KLRG1: variants seen among roughly 807,000 people sequenced by gnomAD.
KLRG1 encodes the protein killer cell lectin-like receptor subfamily G member 1.
In KLRG1, 16 loss-of-function variants were observed where a neutral mutation model predicts 21.8. The observed-to-expected ratio is 0.73, with a 90% CI of 0.50 to 1.11. The LOEUF (loss-of-function observed/expected upper bound fraction) is 1.11. KLRG1 is among the 50% of genes most tolerant of loss of function. KLRG1 has a pLI of 0.00. For synonymous variants in KLRG1, 69 were observed against 75.9 expected, an observed-to-expected ratio of 0.91 and a Z score of 0.47; for missense variants, 173 against 218.3, an observed-to-expected ratio of 0.79 and a Z score of 1.31.
the KLRG1 span, among the ~76,000 whole-genome samples, chr12:9,195,238 A>T: frequency 6.6e-6 from 1 of 152,162 alleles, no homozygotes; most frequent in Non-Finnish European, 1.5e-5. Flanking sequence ...TTTTTAAAAA[A>T]TTTAAAATAA....
chr12:9,056,767 G>A, the KLRG1 span, among the ~76,000 whole-genome samples: 1 of 152,128 alleles, frequency 6.6e-6, no homozygotes, highest in Admixed American at 6.5e-5. Flanking sequence ...TGCCCAGGCT[G>A]GTCTCAAACT....
At chr12:9,009,361 C>G in intron 4 of KLRG1, 65 bp from the exon 5 acceptor site, 1 of 1,590,026 alleles carries the variant, frequency 6.3e-7, no homozygotes, top group East Asian at 2.3e-5. Flanking sequence ...TTTATCCCTT[C>G]ATGCCTTTCA....
the KLRG1 span, chr12:9,152,911 GA>G: frequency 4.3e-6 from 7 of 1,614,132 alleles, no homozygotes; most frequent in Non-Finnish European, 5.9e-6. Flanking sequence ...AGCAAATGGG[GA>G]GTCCTCTTTC....
the KLRG1 span, among the ~76,000 whole-genome samples, chr12:9,165,676 A>G: frequency 6.6e-6 from 1 of 152,348 alleles, no homozygotes; most frequent in East Asian, 1.9e-4. Flanking sequence ...CCCATAAATA[A>G]GCATTTTTAA....
the KLRG1 span, chr12:9,068,001 A>C: frequency 2.1e-6 from 2 of 958,734 alleles, no homozygotes; most frequent in Non-Finnish European, 3.2e-6. Flanking sequence ...AATCCTATGG[A>C]CTCTCTGAGG....
the KLRG1 span, among the ~76,000 whole-genome samples, chr12:9,086,490 T>C: frequency 6.6e-6 from 1 of 152,222 alleles, no homozygotes; most frequent in Non-Finnish European, 1.5e-5. Context: ...GTTCAACATA[T>C]GCATATCAAT....
the KLRG1 span, chr12:9,181,959 A>G: frequency 1.2e-6 from 2 of 1,609,188 alleles, no homozygotes; most frequent in East Asian, 2.2e-5. Context: ...TTTTAATTTT[A>G]TGTTAAATCG....
intron 2 of KLRG1, among the ~76,000 whole-genome samples, chr12:8,993,735 A>G (rs1288843300): frequency 6.6e-6 from 1 of 152,160 alleles, no homozygotes; most frequent in African/African-American, 2.4e-5. Context: ...CAAAATCTAT[A>G]AGGTGCCAAT....
chr12:9,197,179 C>T, the KLRG1 span: 2 of 1,132,640 alleles, frequency 1.8e-6, no homozygotes, highest in Non-Finnish European at 2.7e-6. Context: ...TTTTCCACTA[C>T]CACTCCTCCA....
chr12:9,185,057 G>A, the KLRG1 span, among the ~76,000 whole-genome samples: 11 of 152,298 alleles, frequency 7.2e-5, no homozygotes, highest in Admixed American at 5.9e-4. Context: ...CAGTTCTCCA[G>A]CAAGGGTTCT....
the KLRG1 span, chr12:9,113,506 C>T: frequency 1.2e-6 from 2 of 1,613,896 alleles, no homozygotes; most frequent in Admixed American, 3.3e-5. Flanking sequence ...TCAGTGGTCT[C>T]AGTGTGGAGC....
the KLRG1 span, among the ~76,000 whole-genome samples, chr12:9,212,877 A>G: frequency 6.6e-6 from 1 of 152,188 alleles, no homozygotes; most frequent in East Asian, 1.9e-4. Flanking sequence ...GTGTTATGTA[A>G]TTATTACCAC....
intron 1 of KLRG1, among the ~76,000 whole-genome samples, chr12:8,966,251 G>T (rs890810835): frequency 9.2e-5 from 14 of 152,246 alleles, no homozygotes; most frequent in Admixed American, 2.6e-4. Flanking sequence ...GACAACCTAG[G>T]CAATACCATT....
the KLRG1 span, chr12:9,149,614 CGTT>C: frequency 6.2e-7 from 1 of 1,611,750 alleles, no homozygotes; most frequent in Non-Finnish European, 8.5e-7. Flanking sequence ...TGAAAGATAA[CGTT>C]GGGTGAAGGA....
At chr12:9,112,366 C>T in the KLRG1 span, 1 of 1,611,734 alleles carries the variant, frequency 6.2e-7, no homozygotes, top group Non-Finnish European at 8.5e-7. Flanking sequence ...TGTCTGTAGG[C>T]TTCTTCATAC....
the KLRG1 span, among the ~76,000 whole-genome samples, chr12:9,034,904 C>T: frequency 1.5e-4 from 23 of 152,134 alleles, no homozygotes; most frequent in African/African-American, 5.3e-4. Flanking sequence ...GTTACTGCCC[C>T]TGAAGAACTC....
intron 1 of KLRG1, among the ~76,000 whole-genome samples, chr12:8,980,301 T>C (rs1183241136): frequency 6.6e-6 from 1 of 152,030 alleles, no homozygotes; most frequent in Non-Finnish European, 1.5e-5. Context: ...GTTTCTGATA[T>C]CACTGAGTTG....
chr12:9,071,562 T>A, the KLRG1 span, among the ~76,000 whole-genome samples: 1 of 152,150 alleles, frequency 6.6e-6, no homozygotes, highest in African/African-American at 2.4e-5. Flanking sequence ...TGCACTGAAT[T>A]GTTGTTTTTT....
chr12:9,080,458 G>T, the KLRG1 span: 1 of 222,966 alleles, frequency 4.5e-6, no homozygotes, highest in Non-Finnish European at 8.7e-6. Flanking sequence ...TTGTGATTCA[G>T]TTGCTGTCAT....
Sources: gnomAD v4.1 joint callset for allele counts (sites outside exome capture counted in the v4.1 genomes callset) on GRCh38, gnomAD v4.1.1 for gene constraint, MANE v1.5 for transcripts, NCBI Gene and HGNC (gene_info 2026-07-23, HGNC 2026-07-21) for gene names.